The following SHCBP1 variants were observed in gnomAD, a reference collection of about 807,000 sequenced individuals.
SHCBP1 encodes SHC SH2 domain-binding protein 1.
In SHCBP1, 60 loss-of-function variants were observed where a neutral mutation model predicts 75.1. That is an observed-to-expected ratio of 0.80 (90% CI 0.65 to 0.99). The LOEUF is 0.99. SHCBP1 is among the 50% of genes least tolerant of loss of function. SHCBP1 has a pLI of 0.00. For missense variants in SHCBP1, 709 were observed against 809.4 expected, an observed-to-expected ratio of 0.88 and a Z score of 1.50; for synonymous variants, 290 against 293.2, an observed-to-expected ratio of 0.99 and a Z score of 0.11.
chr16:46,583,895 T>C, intron 11 of SHCBP1, 108 bp downstream of exon 11: 1 of 1,041,756 alleles, frequency 9.6e-7, no homozygotes, highest in Non-Finnish European at 1.4e-6. Flanking sequence ...GTGTACACTG[T>C]TTATGCTTTT....
chr16:46,594,710 A>G (rs1161731734), intron 10 of SHCBP1, among the ~76,000 whole-genome samples: 4 of 152,176 alleles, frequency 2.6e-5, no homozygotes, highest in Non-Finnish European at 4.4e-5. Context: ...TAAACATGCA[A>G]CTACTATATG....
In SHCBP1 at chr16:46,604,068, A is replaced by G. The variant is rs142583740; in HGVS notation, c.999T>C (p.His333=). The part of the protein sequence containing the change: ...GVRSSGQKIT[H]VVSSTMMAGL... ...CAGCCATCATGGTGGAGGAGACCAC[A>G]TGAGTGATCTTCTGACCGCTGGAAC... The change falls in exon 7 of 13, where the codon CAT becomes CAC. Residue 333 remains histidine, a synonymous_variant. Transcript: ENST00000303383. 2.2e-4 allele frequency: 351 copies of G among 1,614,196 alleles called. No individual in the cohort carries two copies. The highest frequency in any genetic ancestry group is 2.7e-4 in the Non-Finnish European group (319 of 1,180,006).
At chr16:46,587,818 T>C (rs901626149) in intron 10 of SHCBP1, among the ~76,000 whole-genome samples, 5 of 152,184 alleles carry the variant, frequency 3.3e-5, no homozygotes, top group Non-Finnish European at 7.4e-5. Flanking sequence ...GCGGACCTAA[T>C]AGACATCTAC....
At chr16:46,588,135 C>T (rs1964981901) in intron 10 of SHCBP1, among the ~76,000 whole-genome samples, 1 of 151,994 alleles carries the variant, frequency 6.6e-6, no homozygotes, top group African/African-American at 2.4e-5. Flanking sequence ...AACAAAGACA[C>T]AACATACCAG....
In SHCBP1 at chr16:46,604,232, A is replaced by T. The variant is rs760020240; in HGVS notation, c.919T>A (p.Leu307Met). Reference sequence around the variant, plus strand: ...GAATTACAAAGACACACATACCTCAACAAAGGATTCTCAATGAGTTTCAGC... The same window carrying T: ...GAATTACAAAGACACACATACCTCATCAAAGGATTCTCAATGAGTTTCAGC... ...QKLKLIENPLLRYVFGYQKNS... is the reference protein window; with the variant it reads ...QKLKLIENPLMRYVFGYQKNS... Residue 307 changes from leucine to methionine, a missense_variant, in exon 6 of 13, where the codon TTG (leucine) becomes ATG (methionine). Transcript: ENST00000303383. The T allele has an allele frequency of 1.9e-6, 3 of 1,614,188 alleles. No individual in the cohort carries two copies. Among genetic ancestry groups the T allele is most frequent in the Non-Finnish European group, 2.5e-6 (3 of 1,180,014 alleles).
At chr16:46,588,939 CG>C (rs1714465333) in intron 10 of SHCBP1, among the ~76,000 whole-genome samples, 1 of 152,040 alleles carries the variant, frequency 6.6e-6, no homozygotes, top group African/African-American at 2.4e-5. Flanking sequence ...ACTGGCAAAC[CG>C]AATCCAGCAG....
rs753635996 is a variant in SHCBP1 at position 46,608,286 on chromosome 16, TA to T, written c.689+10del. 2.0e-5 allele frequency: 32 copies of T among 1,599,732 alleles called. No individual in the cohort carries two copies. Among genetic ancestry groups the T allele is most frequent in the Non-Finnish European group, 2.6e-5 (30 of 1,167,376 alleles). ...CCAACATGTACAACAAGGTCAGCAA[TA>T]AATACTTACAATCTTAATCGAGGTT... On this transcript the variant is annotated intron_variant, in intron 5 of 12. Coordinates refer to ENST00000303383, the MANE Select transcript of SHCBP1 (RefSeq NM_024745.5).
chr16:46,597,719 CATTG>C (rs777091271), intron 9 of SHCBP1, among the ~76,000 whole-genome samples: 1 of 152,182 alleles, frequency 6.6e-6, no homozygotes. Flanking sequence ...AAGTTTGCCA[CATTG>C]ATTGACTCTT....
intron 10 of SHCBP1, among the ~76,000 whole-genome samples, chr16:46,591,052 C>T (rs1221201016): frequency 6.6e-6 from 1 of 152,138 alleles, no homozygotes; most frequent in Non-Finnish European, 1.5e-5. Flanking sequence ...TCATTCTGAG[C>T]AAACTATCGC....
In SHCBP1 at chr16:46,594,984, A is replaced by C. The variant is rs116683325; in HGVS notation, c.1464+568T>G. Among the ~76,000 whole-genome samples the C allele has an allele frequency of 7.8e-3, 1,194 of 152,346 alleles. 17 individuals carry two copies. Among genetic ancestry groups the C allele is most frequent in the African/African-American group, 0.027 (1,132 of 41,562 alleles). ...GAACCACACTAAGTGAGAAAAGCCA[A>C]TCCCAAAGAGCCACATACTGTGTGA... On this transcript the variant is annotated intron_variant, in intron 10 of 12. Transcript: ENST00000303383.
intron 5 of SHCBP1, among the ~76,000 whole-genome samples, chr16:46,604,798 G>C (rs1048008906): frequency 6.6e-6 from 1 of 152,104 alleles, no homozygotes; most frequent in Non-Finnish European, 1.5e-5. Flanking sequence ...TCATATATTA[G>C]ATTCAAAAGC....
At chr16:46,610,676 A>C (rs2143001448) in intron 4 of SHCBP1, among the ~76,000 whole-genome samples, 1 of 149,762 alleles carries the variant, frequency 6.7e-6, no homozygotes, top group Admixed American at 6.7e-5. Context: ...CTCCTGCCTC[A>C]GCCTCCCGAG....
intron 9 of SHCBP1, 75 bp downstream of exon 9, chr16:46,599,756 T>C (rs1965202259): frequency 2.3e-6 from 3 of 1,281,794 alleles, no homozygotes; most frequent in Non-Finnish European, 3.0e-6. Context: ...TTTCATTAAA[T>C]TCTATCTTCC....
At chr16:46,593,137 A>G (rs1402040232) in intron 10 of SHCBP1, among the ~76,000 whole-genome samples, 1 of 145,158 alleles carries the variant, frequency 6.9e-6, no homozygotes, top group Non-Finnish European at 1.5e-5. Flanking sequence ...GCAAGGGGGG[A>G]AAAAGGCATA....
At chr16:46,582,311 A>C (rs965084808) in intron 12 of SHCBP1, among the ~76,000 whole-genome samples, 1 of 152,222 alleles carries the variant, frequency 6.6e-6, no homozygotes, top group African/African-American at 2.4e-5. Flanking sequence ...CAGATTGATA[A>C]GATAGTGCCA....
At position 46,603,678 on chromosome 16, in the gene SHCBP1, A is replaced by C; in HGVS notation, c.1093-19T>G. ...TATGGAACTAGAAAACAATAAGAAC[A>C]CATTTGTAAATATACACTCCCAAAA... On this transcript the variant is annotated intron_variant, in intron 7 of 12. Transcript: ENST00000303383. 6.2e-7 allele frequency: 1 copy of C among 1,613,818 alleles called. No individual in the cohort carries two copies. The highest frequency in any genetic ancestry group is 8.5e-7 in the Non-Finnish European group (1 of 1,179,820).
In SHCBP1 at chr16:46,617,755, A is replaced by G. The variant is rs761549871; in HGVS notation, c.272-6T>C. On this transcript the variant is annotated splice_polypyrimidine_tract_variant and splice_region_variant and intron_variant, in intron 2 of 12. Transcript: ENST00000303383. ...CTCAGAGGCCTTGCAGTCAGCTACA[A>G]ACAAATTAAACACAGGAAGAATTGA... 9 of 1,596,594 alleles carry G rather than the reference A, an allele frequency of 5.6e-6. No individual in the cohort carries two copies. In the African/African-American group the frequency reaches 8.1e-5, roughly 14 times the overall value.
intron 4 of SHCBP1, among the ~76,000 whole-genome samples, chr16:46,614,212 C>T (rs1054246048): frequency 3.9e-5 from 6 of 152,002 alleles, no homozygotes; most frequent in African/African-American, 2.4e-5. Context: ...AGAAACTGTC[C>T]GTAAGATGTT....
At chr16:46,608,443 AT>A in intron 4 of SHCBP1, 54 bp from the exon 5 acceptor site, 1 of 1,217,674 alleles carries the variant, frequency 8.2e-7, no homozygotes, top group Non-Finnish European at 1.2e-6. Flanking sequence ...AAACATTAGG[AT>A]TTTGGAGGGG....
Sources: gnomAD v4.1 joint callset for allele counts (sites outside exome capture counted in the v4.1 genomes callset) on GRCh38, gnomAD v4.1.1 for gene constraint, MANE v1.5 for transcripts, NCBI Gene and HGNC (gene_info 2026-07-23, HGNC 2026-07-21) for gene names.